Variants in CDH12 observed in about 807,000 individuals in gnomAD.
CDH12 encodes cadherin 12, also known as cadherin-12.
Under a neutral mutation model 74.1 loss-of-function variants are expected in CDH12, and 41 were observed. The observed-to-expected ratio is 0.55, with a 90% CI of 0.43 to 0.72. The LOEUF (loss-of-function observed/expected upper bound fraction) is 0.72, where lower values mean the gene tolerates loss of function less well. Among genes scored for constraint, CDH12 ranks in the 30% least tolerant of loss-of-function variants. The probability of loss-of-function intolerance (pLI) is 0.00; values close to 1 mark genes in which losing one functional copy is unlikely to be tolerated. For synonymous variants in CDH12, 399 were observed against 355.0 expected (o/e 1.12, Z -1.39); for missense variants, 945 against 977.2 (o/e 0.97, Z 0.44).
chr5:22,535,104 T>C (rs1737773871), intron 1 of CDH12, among the ~76,000 whole-genome samples: 1 of 148,152 alleles, frequency 6.7e-6, no homozygotes, highest in African/African-American at 2.5e-5. Context: ...CCCGAGTAGC[T>C]GGGACTACAG....
chr5:21,855,250 G>T (rs958096951), intron 6 of CDH12, among the ~76,000 whole-genome samples: 1 of 151,706 alleles, frequency 6.6e-6, no homozygotes, highest in African/African-American at 2.4e-5. Flanking sequence ...CTAGCATCAG[G>T]AAGTCTTTAA....
At chr5:22,643,148 T>C (rs1739238192) in intron 1 of CDH12, among the ~76,000 whole-genome samples, 1 of 152,178 alleles carries the variant, frequency 6.6e-6, no homozygotes, top group East Asian at 1.9e-4. Flanking sequence ...AGACTGCAAA[T>C]ATTTAATAAC....
intron 3 of CDH12, among the ~76,000 whole-genome samples, chr5:22,236,015 C>T (rs1340814657): frequency 6.6e-6 from 1 of 152,114 alleles, no homozygotes; most frequent in Non-Finnish European, 1.5e-5. Context: ...TGTATCCAAA[C>T]ATATCTAAAT....
At chr5:21,981,292 T>C (rs1757294510) in intron 5 of CDH12, among the ~76,000 whole-genome samples, 2 of 152,216 alleles carry the variant, frequency 1.3e-5, no homozygotes, top group South Asian at 4.1e-4. Context: ...TTGCCTCCAA[T>C]ATTTTATTAT....
At chr5:22,099,937 C>T (rs1744039426) in intron 4 of CDH12, among the ~76,000 whole-genome samples, 1 of 151,988 alleles carries the variant, frequency 6.6e-6, no homozygotes. Context: ...TCTAACAGTC[C>T]CACAATATCA....
intron 1 of CDH12, among the ~76,000 whole-genome samples, chr5:22,756,863 GAC>G (rs1485105233): frequency 2.6e-5 from 4 of 151,654 alleles, no homozygotes; most frequent in Admixed American, 2.6e-4. Flanking sequence ...AGGAGGCTGA[GAC>G]AGAGAATTGC....
rs182386933 is a variant in CDH12, at chr5:22,361,169, A to T, written c.-333+44088T>A. Among the ~76,000 whole-genome samples the T allele has an allele frequency of 2.7e-3, 406 of 152,318 alleles. 4 individuals are homozygous for T. Among genetic ancestry groups the T allele is most frequent in the African/African-American group, 9.3e-3 (388 of 41,578 alleles). On this transcript the variant is annotated intron_variant, in intron 3 of 14. Coordinates refer to ENST00000382254, the MANE Select transcript of CDH12 (RefSeq NM_004061.5). The stretch of plus-strand genomic sequence containing the variant: ...CTATTTGCAGATGACATGATTGCAT[A>T]TCTAGAAAATCCCATCTTCTCAGCC...
chr5:22,301,510 A>C (rs2150420014), intron 3 of CDH12, among the ~76,000 whole-genome samples: 1 of 152,368 alleles, frequency 6.6e-6, no homozygotes, highest in African/African-American at 2.4e-5. Flanking sequence ...GAGCCAAGTA[A>C]ACTTCAGCCA....
intron 1 of CDH12, among the ~76,000 whole-genome samples, chr5:22,555,002 A>G (rs573553938): frequency 1.2e-4 from 19 of 152,260 alleles, no homozygotes; most frequent in African/African-American, 4.3e-4. Context: ...CAGTTTATTC[A>G]TGTTTTCCTT....
At chr5:22,410,292 A>C (rs1338245745) in intron 2 of CDH12, among the ~76,000 whole-genome samples, 1 of 152,060 alleles carries the variant, frequency 6.6e-6, no homozygotes, top group Admixed American at 6.6e-5. Context: ...TAAAACCTAA[A>C]AATATTACTC....
intron 1 of CDH12, among the ~76,000 whole-genome samples, chr5:22,576,912 CT>C (rs936533247): frequency 6.6e-6 from 1 of 152,100 alleles, no homozygotes; most frequent in African/African-American, 2.4e-5. Context: ...TTCTTAAAAA[CT>C]GTTATCATCA....
intron 1 of CDH12, among the ~76,000 whole-genome samples, chr5:22,771,849 C>T (rs1214474329): frequency 6.6e-6 from 1 of 152,064 alleles, no homozygotes; most frequent in Admixed American, 6.6e-5. Flanking sequence ...ACTCTGTAGA[C>T]TTTTGACCTG....
chr5:22,162,209 C>T (rs1423967289), intron 4 of CDH12, among the ~76,000 whole-genome samples: 1 of 151,902 alleles, frequency 6.6e-6, no homozygotes, highest in African/African-American at 2.4e-5. Context: ...TTAAAGGGAC[C>T]ATTCAGTCAT....
intron 11 of CDH12, among the ~76,000 whole-genome samples, chr5:21,776,478 G>A (rs148047585): frequency 1.3e-5 from 2 of 152,226 alleles, no homozygotes; most frequent in South Asian, 2.1e-4. Flanking sequence ...AGACCTGTTC[G>A]TGAATAGCAG....
At chr5:21,774,775 A>T (rs1745497933) in intron 11 of CDH12, among the ~76,000 whole-genome samples, 1 of 152,228 alleles carries the variant, frequency 6.6e-6, no homozygotes, top group Non-Finnish European at 1.5e-5. Flanking sequence ...AATTTGGGCA[A>T]TTGAAAGAAG....
intron 1 of CDH12, among the ~76,000 whole-genome samples, chr5:22,521,245 T>C (rs777440025): frequency 7.9e-5 from 12 of 151,864 alleles, no homozygotes; most frequent in East Asian, 1.9e-4. Flanking sequence ...AATATTTTAT[T>C]ATATTAATAT....
intron 5 of CDH12, among the ~76,000 whole-genome samples, chr5:22,031,522 C>T (rs1738824975): frequency 1.3e-5 from 2 of 152,110 alleles, no homozygotes; most frequent in African/African-American, 4.8e-5. Context: ...AGTTGGCTGA[C>T]TATTCTGCAC....
chr5:22,080,954 T>A (rs995393259), intron 4 of CDH12, among the ~76,000 whole-genome samples: 14 of 151,938 alleles, frequency 9.2e-5, no homozygotes, highest in Non-Finnish European at 1.5e-5. Flanking sequence ...TAATTTTTTT[T>A]ATTTTTAGTA....
chr5:22,504,654 A>T (rs1736310341), intron 2 of CDH12, among the ~76,000 whole-genome samples: 1 of 152,060 alleles, frequency 6.6e-6, no homozygotes, highest in Non-Finnish European at 1.5e-5. Context: ...TATGTCTGTG[A>T]AGGTTAACTG....
Sources: allele counts gnomAD v4.1 joint callset (sites outside exome capture counted in the v4.1 genomes callset), GRCh38; gene constraint gnomAD v4.1.1; transcripts MANE v1.5; gene names NCBI Gene and HGNC (gene_info 2026-07-23, HGNC 2026-07-21).